Variants in MAGI1 observed in about 807,000 individuals in gnomAD.
The protein encoded by MAGI1 is membrane associated guanylate kinase, WW and PDZ domain containing 1.
Under a neutral mutation model 139.9 loss-of-function variants are expected in MAGI1, and 58 were observed. That is an observed-to-expected ratio of 0.41 (90% confidence interval 0.34 to 0.52). The LOEUF (loss-of-function observed/expected upper bound fraction) is 0.52, where lower values mean the gene tolerates loss of function less well. MAGI1 is among the 20% of genes least tolerant of loss of function. The pLI is 0.12. For missense variants in MAGI1, 1,874 were observed against 1,901.6 expected (o/e 0.99, Z 0.27); for synonymous variants, 812 against 737.9 (o/e 1.10, Z -1.63).
chr3:65,631,099 C>T (rs2084275129), intron 1 of MAGI1, among the ~76,000 whole-genome samples: 1 of 152,166 alleles, frequency 6.6e-6, no homozygotes, highest in Admixed American at 6.6e-5. Context: ...GATGATCACA[C>T]AAGTCCTGAA....
chr3:65,360,420 A>G (rs1182385666), intron 22 of MAGI1: 3 of 975,586 alleles, frequency 3.1e-6, no homozygotes, highest in Non-Finnish European at 3.7e-6. Context: ...ATCATATACA[A>G]TATTTTGCCA....
intron 1 of MAGI1, among the ~76,000 whole-genome samples, chr3:65,964,446 T>C (rs553533191): frequency 2.3e-4 from 35 of 151,430 alleles, no homozygotes; most frequent in East Asian, 1.6e-3. Flanking sequence ...GAACACTTCA[T>C]AGAACAGGGC....
intron 2 of MAGI1, among the ~76,000 whole-genome samples, chr3:65,578,854 G>T (rs2108109964): frequency 6.6e-6 from 1 of 152,112 alleles, no homozygotes; most frequent in East Asian, 1.9e-4. Context: ...CTGGGAGATG[G>T]AGATTGCCAC....
chr3:65,738,188 C>T (rs987093356), intron 1 of MAGI1, among the ~76,000 whole-genome samples: 1 of 152,172 alleles, frequency 6.6e-6, no homozygotes, highest in Non-Finnish European at 1.5e-5. Context: ...TTCCTGATGA[C>T]CGCCATAAAG....
At chr3:65,586,202 C>A (rs537153222) in intron 2 of MAGI1, among the ~76,000 whole-genome samples, 71 of 150,976 alleles carry the variant, frequency 4.7e-4, no homozygotes, top group Admixed American at 5.9e-4. Flanking sequence ...AGAAAGAGAC[C>A]CTGTCTAAAA....
intron 1 of MAGI1, among the ~76,000 whole-genome samples, chr3:65,737,008 T>C (rs953848917): frequency 1.3e-5 from 2 of 152,258 alleles, no homozygotes; most frequent in Admixed American, 1.3e-4. Flanking sequence ...CAAGACTTTT[T>C]TTTTTTTTTC....
chr3:65,898,323 T>A (rs1045325592), intron 1 of MAGI1, among the ~76,000 whole-genome samples: 7 of 152,144 alleles, frequency 4.6e-5, no homozygotes, highest in African/African-American at 1.4e-4. Context: ...GGTAGTAGCT[T>A]GGAGATAAAG....
chr3:65,837,552 C>T (rs2058667751), intron 1 of MAGI1, among the ~76,000 whole-genome samples: 1 of 152,162 alleles, frequency 6.6e-6, no homozygotes, highest in Non-Finnish European at 1.5e-5. Context: ...TAAAATATGC[C>T]ACGACCCCAC....
chr3:65,922,740 G>C (rs1315754423), intron 1 of MAGI1, among the ~76,000 whole-genome samples: 2 of 152,176 alleles, frequency 1.3e-5, no homozygotes, highest in Non-Finnish European at 2.9e-5. Context: ...GCATTGCAAT[G>C]CCAGCACTTC....
At chr3:65,510,912 G>A (rs1339579398) in intron 2 of MAGI1, among the ~76,000 whole-genome samples, 11 of 148,460 alleles carry the variant, frequency 7.4e-5, no homozygotes, top group African/African-American at 2.0e-4. Flanking sequence ...GAGAAAGGTC[G>A]GGTTACCCTC....
intron 7 of MAGI1, among the ~76,000 whole-genome samples, chr3:65,447,502 C>T (rs767460431): frequency 6.6e-5 from 10 of 152,334 alleles, no homozygotes; most frequent in South Asian, 2.1e-4. Context: ...TGGTCTGGGA[C>T]GTAATAACAA....
At chr3:65,477,724 T>G (rs1029681337) in intron 4 of MAGI1, among the ~76,000 whole-genome samples, 1 of 147,286 alleles carries the variant, frequency 6.8e-6, no homozygotes, top group Non-Finnish European at 1.5e-5. Flanking sequence ...TTTTTTTTTT[T>G]ATTTATATTT....
At chr3:65,974,782 AG>A (rs776516622) in intron 1 of MAGI1, among the ~76,000 whole-genome samples, 2 of 152,134 alleles carry the variant, frequency 1.3e-5, no homozygotes, top group Admixed American at 1.3e-4. Context: ...TCCAAGAGAG[AG>A]GGAAATAGAA....
At chr3:66,021,831 G>A (rs1005533685) in intron 1 of MAGI1, among the ~76,000 whole-genome samples, 17 of 152,086 alleles carry the variant, frequency 1.1e-4, no homozygotes, top group African/African-American at 7.2e-5. Flanking sequence ...GCCACGCCCC[G>A]GTGACTATAA....
intron 1 of MAGI1, among the ~76,000 whole-genome samples, chr3:65,732,225 T>G (rs1454036807): frequency 6.6e-6 from 1 of 152,206 alleles, no homozygotes; most frequent in African/African-American, 2.4e-5. Flanking sequence ...AGGATTGCAG[T>G]CCAGGTGCTC....
chr3:65,989,050 G>C, intron 1 of MAGI1, among the ~76,000 whole-genome samples: 1 of 152,184 alleles, frequency 6.6e-6, no homozygotes, highest in Non-Finnish European at 1.5e-5. Context: ...ATAAGTCGAA[G>C]GACAGAGCCA....
intron 14 of MAGI1, among the ~76,000 whole-genome samples, chr3:65,388,462 A>G (rs1247635666): frequency 6.6e-6 from 1 of 152,116 alleles, no homozygotes; most frequent in East Asian, 1.9e-4. Context: ...ACAAGGCTAT[A>G]CACTTTTTTC....
chr3:65,810,816 G>A (rs906614549), intron 1 of MAGI1, among the ~76,000 whole-genome samples: 5 of 152,176 alleles, frequency 3.3e-5, no homozygotes, highest in Non-Finnish European at 5.9e-5. Context: ...CACACACCTC[G>A]TAATTGACTT....
chr3:65,479,479 G>A (rs1559593184), intron 3 of MAGI1, among the ~76,000 whole-genome samples: 5 of 152,060 alleles, frequency 3.3e-5, no homozygotes. Flanking sequence ...CCACTATAGT[G>A]TGCTATGTGA....
Sources: allele counts gnomAD v4.1 joint callset (sites outside exome capture counted in the v4.1 genomes callset), GRCh38; gene constraint gnomAD v4.1.1; transcripts MANE v1.5; gene names NCBI Gene and HGNC (gene_info 2026-07-23, HGNC 2026-07-21).